PHF21A: variants seen among roughly 807,000 people sequenced by gnomAD.
PHF21A encodes PHD finger protein 21A.
A neutral mutation model predicts 82.5 loss-of-function variants in PHF21A; 11 were observed. The observed-to-expected ratio is 0.13, with a 90% CI of 0.08 to 0.22. The LOEUF is 0.22. Ranked by LOEUF, PHF21A falls within the 10% of genes least tolerant of loss-of-function variation. PHF21A has a pLI of 1.00. For synonymous variants in PHF21A, 297 were observed against 302.8 expected (o/e 0.98, Z 0.20); for missense variants, 579 against 837.8 (o/e 0.69, Z 3.81).
chr11:46,087,553 C>A (rs1359449985), intron 3 of PHF21A, among the ~76,000 whole-genome samples: 1 of 135,876 alleles, frequency 7.4e-6, no homozygotes, highest in African/African-American at 2.5e-5. Flanking sequence ...AATTCTTTTT[C>A]TTTTCTTCAG....
chr11:45,983,251 T>TG (rs1468078194), intron 6 of PHF21A, among the ~76,000 whole-genome samples: 1 of 148,398 alleles, frequency 6.7e-6, no homozygotes. Context: ...TGGGGGCTGG[T>TG]GGGGGGACAT....
intron 15 of PHF21A, among the ~76,000 whole-genome samples, chr11:45,939,784 A>G (rs2089980127): frequency 6.6e-6 from 1 of 151,460 alleles, no homozygotes; most frequent in East Asian, 1.9e-4. Flanking sequence ...AAAAAAAAAA[A>G]AAAAAAAAAA....
At position 45,933,454 on chromosome 11, in the gene PHF21A, G is replaced by GGGTT. The variant is rs2087959853; in HGVS notation, c.*510_*513dup. 6.5e-6 allele frequency: 1 copy of GGGTT among 152,922 alleles called. No homozygotes were observed. Among genetic ancestry groups the GGGTT allele is most frequent in the Non-Finnish European group, 1.5e-5 (1 of 68,288 alleles). The allele number at this position is 152,922 out of a possible 1,614,324, so 9.5% of individuals were successfully genotyped here. ...CTCCCCTTCCCTCTTCTGGGCACTG[G>GGGTT]GGTTGGTGAAATCTCAATTCCTTTT... On this transcript the variant is annotated 3_prime_UTR_variant, in exon 19 of 19. Transcript: ENST00000676320.
intron 6 of PHF21A, among the ~76,000 whole-genome samples, chr11:46,062,302 T>C (rs1332237462): frequency 2.0e-5 from 3 of 152,152 alleles, no homozygotes; most frequent in African/African-American, 7.2e-5. Flanking sequence ...TTCTCCATTT[T>C]CTCTGTTCCC....
chr11:45,933,767 A>G lies in PHF21A; in HGVS notation c.*201T>C, dbSNP rs1354205673. On this transcript the variant is annotated 3_prime_UTR_variant, in exon 19 of 19. Transcript: ENST00000676320. ...GCACTATTTCATGTAACATGGTCCA[A>G]TCTTTGCATGTACACACAGAATAAG... 4.4e-6 allele frequency: 2 copies of G among 455,398 alleles called. No individual in the cohort carries two copies. The highest frequency in any genetic ancestry group is 4.0e-5 in the Admixed American group (1 of 25,036). The allele number at this position is 455,398 out of a possible 1,614,324, so 28.2% of individuals were successfully genotyped here. A position where few individuals can be genotyped will look rare whatever the true frequency, so the allele number is the denominator to read the frequency against.
At chr11:45,934,437 G>A (rs976437955) in intron 18 of PHF21A, 2 of 544,364 alleles carry the variant, frequency 3.7e-6, no homozygotes, top group Non-Finnish European at 6.5e-6. Context: ...GGGGTCCCAG[G>A]TCCCAGAGGC....
rs374017792 is a variant in PHF21A at position 46,062,664 on chromosome 11, T to C, written c.153+14090A>G. Among the ~76,000 whole-genome samples the C allele has an allele frequency of 3.3e-4, 51 of 152,302 alleles. No homozygotes were observed. In the South Asian group the frequency reaches 0.01, roughly 31 times the overall value. On this transcript the variant is annotated intron_variant, in intron 6 of 18. Coordinates refer to ENST00000676320, the MANE Select transcript of PHF21A (RefSeq NM_001352027.3). ...CTAGTGATTCTTGGCTATGTTCATA[T>C]TTAAGATTGAAGCGCTAAGAATGTG...
At chr11:46,010,894 G>A (rs2095399381) in intron 6 of PHF21A, among the ~76,000 whole-genome samples, 2 of 152,082 alleles carry the variant, frequency 1.3e-5, no homozygotes. Context: ...GCAGTGAACA[G>A]CATCATACCA....
In PHF21A at chr11:46,003,527, C is replaced by T. The variant is rs191562906; in HGVS notation, c.154-23561G>A. ...ATGCTGATGAACTTGATTTTTAAAACACCATAAAGCTGCCCTGCTGCCCAT... is the reference window on the plus strand; with the variant it reads ...ATGCTGATGAACTTGATTTTTAAAATACCATAAAGCTGCCCTGCTGCCCAT... On this transcript the variant is annotated intron_variant, in intron 6 of 18. Transcript: ENST00000676320. Among the ~76,000 whole-genome samples the T allele has an allele frequency of 1.1e-4, 16 of 152,142 alleles. No homozygotes were observed. The East Asian group carries it at 3.1e-3, about 29-fold the overall frequency.
intron 1 of PHF21A, among the ~76,000 whole-genome samples, chr11:46,112,225 G>C (rs1446017003): frequency 6.6e-6 from 1 of 152,052 alleles, no homozygotes; most frequent in Non-Finnish European, 1.5e-5. Flanking sequence ...ACATTCTCAG[G>C]AATTTGTCAC....
At chr11:45,957,695 C>G (rs1224676207) in intron 10 of PHF21A, among the ~76,000 whole-genome samples, 1 of 88,106 alleles carries the variant, frequency 1.1e-5, no homozygotes, top group Non-Finnish European at 2.3e-5. Context: ...AGAAAGAGCT[C>G]AAATCAATAA....
rs34398600 is a variant in PHF21A, at chr11:46,113,824, CAA to C, written c.-237+7109_-237+7110del. 6.2e-3 allele frequency among the ~76,000 whole-genome samples: 479 copies of C among 77,232 alleles called. 3 individuals are homozygous for C. Among genetic ancestry groups the C allele is most frequent in the African/African-American group, 0.016 (403 of 25,502 alleles). The allele number at this position is 77,232 out of a possible 152,430, so 50.7% of individuals were successfully genotyped here. A position where few individuals can be genotyped will look rare whatever the true frequency, so the allele number is the denominator to read the frequency against. On this transcript the variant is annotated intron_variant, in intron 1 of 18. Transcript: ENST00000676320. ...CTGGTGACAGTGTGAGATTCATTCT[CAA>C]AAAAAAAAAAAAAAAAAGTTTAATT... is the stretch of plus-strand genomic sequence containing the variant.
chr11:45,962,485 T>C (rs1318329683), intron 10 of PHF21A, among the ~76,000 whole-genome samples: 1 of 152,170 alleles, frequency 6.6e-6, no homozygotes, highest in Non-Finnish European at 1.5e-5. Context: ...GAATGCAATC[T>C]AGTCTAAAGA....
At chr11:46,034,528 T>C (rs938579652) in intron 6 of PHF21A, among the ~76,000 whole-genome samples, 2 of 152,206 alleles carry the variant, frequency 1.3e-5, no homozygotes, top group Admixed American at 6.5e-5. Context: ...TCTTTTAGTA[T>C]TTTTATAATG....
chr11:46,026,221 T>G (rs2095742669), intron 6 of PHF21A, among the ~76,000 whole-genome samples: 1 of 152,212 alleles, frequency 6.6e-6, no homozygotes, highest in African/African-American at 2.4e-5. Flanking sequence ...TATAAAATTA[T>G]GTTTTGACTA....
chr11:45,994,857 C>G (rs529238607), intron 6 of PHF21A, among the ~76,000 whole-genome samples: 1 of 152,196 alleles, frequency 6.6e-6, no homozygotes, highest in Admixed American at 6.5e-5. Context: ...AGTCATCACA[C>G]GCTTTGAATG....
chr11:45,981,940 C>CTTTTTTTTTTTTTTTTTTTTTTTT (rs754937092), intron 6 of PHF21A, among the ~76,000 whole-genome samples: 4 of 78,270 alleles, frequency 5.1e-5, no homozygotes, highest in Non-Finnish European at 7.0e-5. Flanking sequence ...TTTTGTTTTT[C>CTTTTTTTTTTTTTTTTTTTTTTTT]TTTTTTTTTT....
intron 1 of PHF21A, among the ~76,000 whole-genome samples, chr11:46,096,894 A>G (rs2097004912): frequency 6.6e-6 from 1 of 151,706 alleles, no homozygotes; most frequent in Non-Finnish European, 1.5e-5. Context: ...ACTCCTGACT[A>G]CCTCTCCCCT....
rs559007027 is a variant in PHF21A, at chr11:46,054,449, A to G, written c.153+22305T>C. 2.7e-3 allele frequency among the ~76,000 whole-genome samples: 415 copies of G among 151,966 alleles called. 2 individuals are homozygous for G. Among genetic ancestry groups the G allele is most frequent in the African/African-American group, 9.4e-3 (389 of 41,450 alleles). ...AAACAACTTTAAAATCCACTTACCT[A>G]CTCCTACACATCTTTTTATGCCTGG... On this transcript the variant is annotated intron_variant, in intron 6 of 18. Transcript: ENST00000676320.
Sources: allele counts gnomAD v4.1 joint callset (sites outside exome capture counted in the v4.1 genomes callset), GRCh38; gene constraint gnomAD v4.1.1; transcripts MANE v1.5; gene names NCBI Gene and HGNC (gene_info 2026-07-23, HGNC 2026-07-21).